The following ZBTB5 variants were observed in gnomAD, a reference collection of about 807,000 sequenced individuals.
The protein encoded by ZBTB5 is zinc finger and BTB domain-containing protein 5.
ZBTB5 carries 15 observed loss-of-function variants against 37.9 expected under a neutral mutation model. That is an observed-to-expected ratio of 0.40 (90% CI 0.26 to 0.61). The LOEUF (loss-of-function observed/expected upper bound fraction) is 0.61, where lower values mean the gene tolerates loss of function less well. Ranked by LOEUF, ZBTB5 falls within the 20% of genes least tolerant of loss-of-function variation. The pLI, the probability that ZBTB5 is intolerant of heterozygous loss-of-function variation, is 0.47. For synonymous variants in ZBTB5, 315 were observed against 312.4 expected (o/e 1.01, Z -0.09); for missense variants, 708 against 856.8 (o/e 0.83, Z 2.17).
At chr9:37,452,387 GT>G (rs1824120109) in intron 1 of ZBTB5, among the ~76,000 whole-genome samples, 1 of 152,130 alleles carries the variant, frequency 6.6e-6, no homozygotes, top group African/African-American at 2.4e-5. Context: ...TTTGATATAT[GT>G]TTTGGCCATC....
chr9:37,444,809 T>C (rs1034781180), intron 1 of ZBTB5, among the ~76,000 whole-genome samples: 6 of 152,106 alleles, frequency 3.9e-5, no homozygotes, highest in African/African-American at 1.4e-4. Context: ...GCGACTAAGA[T>C]TGTAGGAAAC....
rs1823868109 is a variant in ZBTB5 at position 37,441,268 on chromosome 9, A to G, written c.1284T>C (p.Asp428=). ...GNNFTANQNN[D]DNIPNTTSDC... ...CACTAGTGGTGTTTGGAATATTATC[A>G]TCATTGTTCTGATTTGCAGTAAAGT... The change falls in exon 2 of 2, where the codon GAT becomes GAC. Residue 428 remains aspartate (D), a synonymous_variant. Transcript: ENST00000307750. 2 of 1,614,032 alleles carry G rather than the reference A, an allele frequency of 1.2e-6. No individual in the cohort carries two copies. The highest frequency in any genetic ancestry group is 1.7e-6 in the Non-Finnish European group (2 of 1,180,032).
At chr9:37,445,874 G>A (rs1187722092) in intron 1 of ZBTB5, among the ~76,000 whole-genome samples, 1 of 152,028 alleles carries the variant, frequency 6.6e-6, no homozygotes, top group East Asian at 1.9e-4. Flanking sequence ...ACTGAGGCGG[G>A]CAGATTGTTT....
intron 1 of ZBTB5, among the ~76,000 whole-genome samples, chr9:37,452,464 T>C (rs1389324558): frequency 6.6e-6 from 1 of 152,214 alleles, no homozygotes; most frequent in Admixed American, 6.5e-5. Flanking sequence ...ACTACTAATA[T>C]GAAGCTCAAA....
intron 1 of ZBTB5, among the ~76,000 whole-genome samples, chr9:37,454,045 C>T (rs1824146714): frequency 6.6e-6 from 1 of 152,176 alleles, no homozygotes. Flanking sequence ...TTACCTTAAC[C>T]TGGTTTGTGT....
At chr9:37,444,453 G>C (rs1823940791) in intron 1 of ZBTB5, among the ~76,000 whole-genome samples, 1 of 152,176 alleles carries the variant, frequency 6.6e-6, no homozygotes, top group African/African-American at 2.4e-5. Context: ...GCCCACCCTG[G>C]CATCCCAAAG....
At chr9:37,443,886 GCTGCA>G (rs912161157) in intron 1 of ZBTB5, among the ~76,000 whole-genome samples, 1 of 151,854 alleles carries the variant, frequency 6.6e-6, no homozygotes, top group African/African-American at 2.4e-5. Flanking sequence ...AGATCGCACT[GCTGCA>G]CTCCAACCTG....
At chr9:37,447,488 G>A (rs1824010981) in intron 1 of ZBTB5, among the ~76,000 whole-genome samples, 1 of 151,982 alleles carries the variant, frequency 6.6e-6, no homozygotes, top group Admixed American at 6.5e-5. Flanking sequence ...TTTTGAGACA[G>A]GGTTTCACCC....
chr9:37,442,457 T>C lies in ZBTB5; in HGVS notation c.95A>G (p.Asn32Ser). ...GGAGCGGTGGGCTTTAAAGTGTCTA[T>C]TCCCCACTACAATGACACAATCACA... Reference protein sequence around the residue: ...QLCDCVIVVGNRHFKAHRSVL... With the variant: ...QLCDCVIVVGSRHFKAHRSVL... The change falls in exon 2 of 2, where the codon AAT becomes AGT. Residue 32 changes from asparagine (N) to serine (S), a missense_variant. By Grantham distance (46) the Asn-to-Ser change is conservative (BLOSUM62 1). Coordinates refer to ENST00000307750, the MANE Select transcript of ZBTB5 (RefSeq NM_014872.3). 6.2e-7 allele frequency: 1 copy of C among 1,614,166 alleles called. No individual in the cohort carries two copies. The highest frequency in any genetic ancestry group is 1.1e-5 in the South Asian group (1 of 91,078).
In ZBTB5 at chr9:37,442,047, C is replaced by T. The variant is rs931359001; in HGVS notation, c.505G>A (p.Ala169Thr). ...CTGCGCATGGAAGAGCTCATGGGGG[C>T]TGGCTGCTCCTCGCCATTCTGGCTG... The part of the protein sequence containing the change: ...NSSQNGEEQP[A>T]PMSSSMRSNL... The change falls in exon 2 of 2, where the codon GCC becomes ACC. Residue 169 changes from alanine to threonine, a missense_variant. Transcript: ENST00000307750. 3.7e-6 allele frequency: 6 copies of T among 1,613,856 alleles called. No homozygotes were observed. The highest frequency in any genetic ancestry group is 2.2e-5 in the South Asian group (2 of 91,090).
intron 1 of ZBTB5, among the ~76,000 whole-genome samples, chr9:37,444,900 T>G (rs946564064): frequency 3.9e-5 from 6 of 151,966 alleles, no homozygotes; most frequent in African/African-American, 1.5e-4. Context: ...GCAGCAGGCC[T>G]GGAGAGCAAA....
At position 37,442,468 on chromosome 9, in the gene ZBTB5, A is replaced by G; in HGVS notation, c.84T>C (p.Ile28=). 2 of 1,614,104 alleles carry G rather than the reference A, an allele frequency of 1.2e-6. No individual in the cohort carries two copies. Among genetic ancestry groups the G allele is most frequent in the Non-Finnish European group, 1.7e-6 (2 of 1,180,006 alleles). Residue 28 remains isoleucine, a synonymous_variant, in exon 2 of 2, where the codon ATT becomes ATC. Coordinates refer to ENST00000307750, the MANE Select transcript of ZBTB5 (RefSeq NM_014872.3). The part of the protein sequence containing the change: ...RLHGQLCDCV[I]VVGNRHFKAH... ...CTTTAAAGTGTCTATTCCCCACTAC[A>G]ATGACACAATCACAGAGCTGGCCAT... is the stretch of plus-strand genomic sequence containing the variant.
chr9:37,445,826 T>G (rs963702063), intron 1 of ZBTB5, among the ~76,000 whole-genome samples: 3 of 152,112 alleles, frequency 2.0e-5, no homozygotes, highest in African/African-American at 7.2e-5. Flanking sequence ...ATAGGCTGGG[T>G]GTGGTAGCTC....
chr9:37,456,647 A>G (rs1824192780), intron 1 of ZBTB5, among the ~76,000 whole-genome samples: 1 of 152,222 alleles, frequency 6.6e-6, no homozygotes. Flanking sequence ...TCTGTAACTC[A>G]GTTTGAATAA....
chr9:37,455,906 A>G (rs907058874), intron 1 of ZBTB5, among the ~76,000 whole-genome samples: 1 of 151,900 alleles, frequency 6.6e-6, no homozygotes, highest in Non-Finnish European at 1.5e-5. Context: ...CCAGCGCTCA[A>G]GCAATCCTCC....
rs767932570 is a variant in ZBTB5 at position 37,440,990 on chromosome 9, A to G, written c.1562T>C (p.Met521Thr). 8.7e-5 allele frequency: 140 copies of G among 1,614,072 alleles called. No individual in the cohort carries two copies. Among genetic ancestry groups the G allele is most frequent in the Non-Finnish European group, 1.1e-4 (128 of 1,180,046 alleles). ...LGLHSSFSRV[M>T]IGSPRGGASN... The stretch of plus-strand genomic sequence containing the variant: ...GGCTCCTCCCCTTGGGGAACCTATC[A>G]TTACCCTGGAGAAGGAGGAGTGGAG... Residue 521 changes from methionine (M) to threonine (T), a missense_variant, in exon 2 of 2, where the codon ATG becomes ACG. Transcript: ENST00000307750.
At chr9:37,450,321 A>C (rs1206332916) in intron 1 of ZBTB5, among the ~76,000 whole-genome samples, 3 of 152,186 alleles carry the variant, frequency 2.0e-5, no homozygotes, top group Admixed American at 2.0e-4. Context: ...TCAAAAAAAA[A>C]GCAAGTAAGT....
chr9:37,459,310 A>G (rs555102981), intron 1 of ZBTB5, among the ~76,000 whole-genome samples: 1 of 152,056 alleles, frequency 6.6e-6, no homozygotes, highest in East Asian at 2.0e-4. Flanking sequence ...AATACAAAAA[A>G]TTGGTGGGGC....
chr9:37,450,666 A>G (rs1265116156), intron 1 of ZBTB5, among the ~76,000 whole-genome samples: 1 of 151,986 alleles, frequency 6.6e-6, no homozygotes, highest in Non-Finnish European at 1.5e-5. Flanking sequence ...AGAGTTCAAG[A>G]CCAGCCTGGC....
Sources: gnomAD v4.1 joint callset for allele counts (sites outside exome capture counted in the v4.1 genomes callset) on GRCh38, gnomAD v4.1.1 for gene constraint, MANE v1.5 for transcripts, NCBI Gene and HGNC (gene_info 2026-07-23, HGNC 2026-07-21) for gene names.